The following ALCAM variants were observed in gnomAD, a reference collection of about 807,000 sequenced individuals.
ALCAM encodes the protein activated leukocyte cell adhesion molecule, also known as CD166 antigen.
A neutral mutation model predicts 70.9 loss-of-function variants in ALCAM; 30 were observed. That is an observed-to-expected ratio of 0.42 (90% CI 0.32 to 0.57). ALCAM has a LOEUF of 0.57. Among genes scored for constraint, ALCAM ranks in the 20% least tolerant of loss-of-function variants. The pLI, the probability that ALCAM is intolerant of heterozygous loss-of-function variation, is 0.11. For missense variants in ALCAM, 591 were observed against 695.1 expected (o/e 0.85, Z 1.68); for synonymous variants, 249 against 242.5 (o/e 1.03, Z -0.25).
chr3:105,446,651 A>G (rs988391242), intron 1 of ALCAM, among the ~76,000 whole-genome samples: 4 of 144,374 alleles, frequency 2.8e-5, no homozygotes, highest in Admixed American at 1.4e-4. Flanking sequence ...ACACACACAC[A>G]TAATGGAGTA....
intron 1 of ALCAM, among the ~76,000 whole-genome samples, chr3:105,442,721 C>T (rs955266323): frequency 9.9e-5 from 15 of 151,702 alleles, no homozygotes; most frequent in Middle Eastern, 3.2e-3. Flanking sequence ...GCGGAGCTTG[C>T]AGTGAGCCGA....
intron 1 of ALCAM, among the ~76,000 whole-genome samples, chr3:105,384,291 A>G (rs759242613): frequency 1.2e-4 from 18 of 151,630 alleles, no homozygotes; most frequent in Non-Finnish European, 2.1e-4. Flanking sequence ...GCAGAATTGG[A>G]TTTATCACAG....
chr3:105,525,165 A>T, intron 3 of ALCAM: 1 of 984,068 alleles, frequency 1.0e-6, no homozygotes, highest in Non-Finnish European at 1.2e-6. Flanking sequence ...AATTAAAAAA[A>T]CTCACTATAC....
intron 14 of ALCAM, among the ~76,000 whole-genome samples, chr3:105,553,941 T>C (rs1296257393): frequency 6.6e-6 from 1 of 151,896 alleles, no homozygotes. Flanking sequence ...ACATTTCTCC[T>C]GTTGTGTGTT....
At chr3:105,543,464 T>C (rs1396762123) in intron 8 of ALCAM, among the ~76,000 whole-genome samples, 3 of 151,688 alleles carry the variant, frequency 2.0e-5, no homozygotes, top group African/African-American at 4.8e-5. Flanking sequence ...TATGGAAACA[T>C]AAAAATCCTA....
chr3:105,524,445 T>C lies in ALCAM; in HGVS notation c.331T>C (p.Phe111Leu). ...TGCAAGGATCAGTGATGAAAAGAGATTTGTGTGCATGCTAGTAACTGAGGA... is the reference window on the plus strand; with the variant it reads ...TGCAAGGATCAGTGATGAAAAGAGACTTGTGTGCATGCTAGTAACTGAGGA... ...SNARISDEKRFVCMLVTEDNV... is the reference protein window; with the variant it reads ...SNARISDEKRLVCMLVTEDNV... The change falls in exon 3 of 16, where the codon TTT (phenylalanine) becomes CTT (leucine). Residue 111 changes from phenylalanine to leucine, a missense_variant. Coordinates refer to ENST00000306107, the MANE Select transcript of ALCAM (RefSeq NM_001627.4). The C allele has an allele frequency of 6.2e-7, 1 of 1,614,008 alleles. No individual in the cohort carries two copies.
At chr3:105,462,414 T>C (rs936794635) in intron 1 of ALCAM, among the ~76,000 whole-genome samples, 5 of 151,592 alleles carry the variant, frequency 3.3e-5, no homozygotes, top group African/African-American at 7.2e-5. Flanking sequence ...TAGCATTTCA[T>C]TGTATAAAGA....
At chr3:105,499,875 G>T (rs1392405822) in intron 1 of ALCAM, among the ~76,000 whole-genome samples, 1 of 152,140 alleles carries the variant, frequency 6.6e-6, no homozygotes, top group Non-Finnish European at 1.5e-5. Context: ...GTTCCAATTA[G>T]CTGTAGGAAT....
intron 1 of ALCAM, among the ~76,000 whole-genome samples, chr3:105,475,548 C>T (rs573780749): frequency 4.6e-5 from 7 of 151,892 alleles, no homozygotes; most frequent in South Asian, 4.2e-4. Context: ...TGTTAATTGG[C>T]GCATAAGTTT....
intron 1 of ALCAM, among the ~76,000 whole-genome samples, chr3:105,472,371 T>G (rs902716939): frequency 6.6e-6 from 1 of 151,520 alleles, no homozygotes; most frequent in East Asian, 1.9e-4. Context: ...AAGCTTTAAA[T>G]TCTAAAGTTT....
At chr3:105,573,822 A>C (rs1479056922) in intron 15 of ALCAM, among the ~76,000 whole-genome samples, 1 of 152,194 alleles carries the variant, frequency 6.6e-6, no homozygotes, top group Non-Finnish European at 1.5e-5. Flanking sequence ...TGGGTCATCC[A>C]AGTTAATCCC....
intron 1 of ALCAM, among the ~76,000 whole-genome samples, chr3:105,450,025 T>C (rs1052056123): frequency 1.3e-5 from 2 of 152,210 alleles, no homozygotes; most frequent in African/African-American, 4.8e-5. Context: ...CATTCATATG[T>C]GTCTTTGAAT....
At chr3:105,552,822 T>C in intron 14 of ALCAM, 1 of 1,292,250 alleles carries the variant, frequency 7.7e-7, no homozygotes, top group Non-Finnish European at 9.9e-7. Context: ...ATCAATAGCC[T>C]GAATTCAATT....
intron 1 of ALCAM, among the ~76,000 whole-genome samples, chr3:105,392,396 T>C (rs950096020): frequency 1.3e-5 from 2 of 151,980 alleles, no homozygotes; most frequent in African/African-American, 4.8e-5. Context: ...TTGTTTGTAT[T>C]TCTGTGGGTT....
intron 14 of ALCAM, among the ~76,000 whole-genome samples, chr3:105,563,538 C>T: frequency 6.6e-6 from 1 of 151,778 alleles, no homozygotes; most frequent in Middle Eastern, 3.4e-3. Flanking sequence ...TTATAAATTC[C>T]TCTCAGCACT....
intron 1 of ALCAM, among the ~76,000 whole-genome samples, chr3:105,392,581 A>T (rs1935852035): frequency 6.6e-6 from 1 of 151,128 alleles, no homozygotes; most frequent in Non-Finnish European, 1.5e-5. Flanking sequence ...ATCTCCTTTA[A>T]TTCTGCTCTG....
At chr3:105,389,386 T>G (rs1576127539) in intron 1 of ALCAM, among the ~76,000 whole-genome samples, 1 of 136,692 alleles carries the variant, frequency 7.3e-6, no homozygotes, top group South Asian at 2.4e-4. Context: ...TTTTTTTTTT[T>G]TTTTTTTTTT....
chr3:105,540,396 T>A (rs1940087343), intron 7 of ALCAM, among the ~76,000 whole-genome samples: 1 of 151,988 alleles, frequency 6.6e-6, no homozygotes, highest in Non-Finnish European at 1.5e-5. Flanking sequence ...CAGAAGCAGA[T>A]AACTACAAAA....
chr3:105,539,183 A>T (rs1459821235), intron 6 of ALCAM, among the ~76,000 whole-genome samples: 2 of 152,270 alleles, frequency 1.3e-5, no homozygotes, highest in Non-Finnish European at 2.9e-5. Flanking sequence ...ATCCAGCAAC[A>T]TAACAAATGG....
Sources: allele counts gnomAD v4.1 joint callset (sites outside exome capture counted in the v4.1 genomes callset), GRCh38; gene constraint gnomAD v4.1.1; transcripts MANE v1.5; gene names NCBI Gene and HGNC (gene_info 2026-07-23, HGNC 2026-07-21).